The following CARD8 variants were observed in gnomAD, a reference collection of about 807,000 sequenced individuals.
The protein encoded by CARD8 is caspase recruitment domain family member 8, also known as caspase recruitment domain-containing protein 8.
CARD8 carries 38 observed loss-of-function variants against 53.2 expected under a neutral mutation model. The observed-to-expected ratio is 0.71, with a 90% confidence interval of 0.55 to 0.94. The LOEUF (loss-of-function observed/expected upper bound fraction) is 0.94, where lower values mean the gene tolerates loss of function less well. CARD8 is among the 40% of genes least tolerant of loss of function. CARD8 has a pLI of 0.00. For synonymous variants in CARD8, 245 were observed against 244.9 expected, an observed-to-expected ratio of 1.00 and a Z score of 0.00; for missense variants, 561 against 655.5, an observed-to-expected ratio of 0.86 and a Z score of 1.57.
At chr19:48,243,027 G>A (rs920781189) in intron 3 of CARD8, among the ~76,000 whole-genome samples, 5 of 152,022 alleles carry the variant, frequency 3.3e-5, no homozygotes, top group African/African-American at 9.7e-5. Context: ...GCATTTCAGA[G>A]ACTCTGGATA....
rs770196879 is a variant in CARD8 at position 48,218,909 on chromosome 19, C to CT, written c.1264dup (p.Arg422LysfsTer10). 3 of 1,614,020 alleles carry CT rather than the reference C, an allele frequency of 1.9e-6. No homozygotes were observed. On this transcript the variant is annotated frameshift_variant, in exon 12 of 14. Coordinates refer to ENST00000651546, the MANE Select transcript of CARD8 (RefSeq NM_001184900.3). LOFTEE classifies it high-confidence loss of function. ...AGTATCCCACACCAAAGTCCCATGT[C>CT]TTTTTTCAGTAATCTCAAGTTGAAT...
At chr19:48,207,732 CTGTTTTTT>C (rs1555790091), downstream of CARD8, among the ~76,000 whole-genome samples, 17 of 91,278 alleles carry the variant, frequency 1.9e-4, no homozygotes, top group Non-Finnish European at 3.6e-4. Flanking sequence ...TGTTGTTTTT[CTGTTTTTT>C]TTTTTTTTTT....
chr19:48,241,871 C>T (rs779405450), intron 3 of CARD8, among the ~76,000 whole-genome samples: 5 of 152,126 alleles, frequency 3.3e-5, no homozygotes, highest in Admixed American at 6.6e-5. Context: ...AATTCACCCA[C>T]ATAAGTCTAC....
intron 1 of CARD8, among the ~76,000 whole-genome samples, chr19:48,252,823 A>ACACACC (rs2047106061): frequency 6.6e-6 from 1 of 151,906 alleles, no homozygotes; most frequent in African/African-American, 2.4e-5. Context: ...ACACACACAC[A>ACACACC]CACACACACA....
chr19:48,230,829 C>T lies in CARD8; in HGVS notation c.720G>A (p.Glu240=). 1.2e-6 allele frequency: 2 copies of T among 1,614,184 alleles called. No homozygotes were observed. The highest frequency in any genetic ancestry group is 1.1e-5 in the South Asian group (1 of 91,078). Residue 240 remains glutamate (E), a synonymous_variant, in exon 9 of 14, where the codon GAG becomes GAA. Transcript: ENST00000651546. ...VGGPLFDVTA[E]PEEAVAEIHL... ...GGATTTCGGCGACAGCCTCCTCTGGCTCTGCAGTGACATCAAACAAGGGGC... is the reference window on the plus strand; with the variant it reads ...GGATTTCGGCGACAGCCTCCTCTGGTTCTGCAGTGACATCAAACAAGGGGC...
intron 10 of CARD8, among the ~76,000 whole-genome samples, chr19:48,227,920 T>A (rs1482411329): frequency 6.6e-6 from 1 of 152,090 alleles, no homozygotes; most frequent in East Asian, 1.9e-4. Flanking sequence ...TACCAGTGTG[T>A]GAGCTGTTAG....
At chr19:48,204,238 G>GT, downstream of CARD8, 1 of 455,020 alleles carries the variant, frequency 2.2e-6, no homozygotes, top group Non-Finnish European at 4.4e-6. Context: ...CGTTGCCACA[G>GT]TAACCCTGGA....
In CARD8 at chr19:48,233,448, C is replaced by T. The variant is rs1419832622; in HGVS notation, c.350+955G>A. ...GAGAAAGGCTTTACAGCGCTTTTCTCGGAAGGATTCTGTGGGCAAGCCAAG... is the reference window on the plus strand; with the variant it reads ...GAGAAAGGCTTTACAGCGCTTTTCTTGGAAGGATTCTGTGGGCAAGCCAAG... On this transcript the variant is annotated intron_variant, in intron 6 of 13. Transcript: ENST00000651546. 5 of 455,704 alleles carry T rather than the reference C, an allele frequency of 1.1e-5. No individual in the cohort carries two copies. In the East Asian group the frequency reaches 2.1e-4, roughly 19 times the overall value. 28.2% of individuals were successfully genotyped at this position (455,704 alleles called of 1,614,324 possible). A position where few individuals can be genotyped will look rare whatever the true frequency, so the allele number is the denominator to read the frequency against.
chr19:48,212,008 A>G (rs753686618), intron 13 of CARD8, 33 bp from the exon 14 acceptor site: 1 of 1,602,076 alleles, frequency 6.2e-7, no homozygotes, highest in South Asian at 1.1e-5. Context: ...GACTTTGAGA[A>G]TCGTTCACTT....
At chr19:48,250,404 T>G (rs943554049) in intron 1 of CARD8, among the ~76,000 whole-genome samples, 2 of 152,094 alleles carry the variant, frequency 1.3e-5, no homozygotes, top group Non-Finnish European at 2.9e-5. Context: ...TTATGCAAGG[T>G]TGTGGGTTTT....
At chr19:48,238,198 C>T (rs2044266998) in intron 5 of CARD8, 185 bp downstream of exon 5, 1 of 1,132,264 alleles carries the variant, frequency 8.8e-7, no homozygotes, top group Non-Finnish European at 1.2e-6. Context: ...GACCTTTTTT[C>T]CCTACTTCTT....
rs533233432 is a variant in CARD8 at position 48,238,404 on chromosome 19, T to G, written c.188A>C (p.Glu63Ala). The G allele has an allele frequency of 6.5e-6, 10 of 1,536,086 alleles. No individual in the cohort carries two copies. The highest frequency in any genetic ancestry group is 8.7e-6 in the Non-Finnish European group (10 of 1,146,872). Reference sequence around the variant, plus strand: ...TTACGTATCATTTGTCACACAGGCCTCAGCCTGAAAAAAAATTCCAGTTTT... The same window carrying G: ...TTACGTATCATTTGTCACACAGGCCGCAGCCTGAAAAAAAATTCCAGTTTT... ...YTKTGIFFQA[E>A]ACVTNDTVYR... The change falls in exon 5 of 14, where the codon GAG (glutamate) becomes GCG (alanine). Residue 63 changes from glutamate (E) to alanine (A), a missense_variant. Physicochemically the swap from Glu to Ala is moderately radical, Grantham distance 107 (BLOSUM62 -1). Transcript: ENST00000651546.
intron 13 of CARD8, among the ~76,000 whole-genome samples, chr19:48,212,715 T>C (rs1337618006): frequency 6.6e-6 from 1 of 152,172 alleles, no homozygotes; most frequent in Non-Finnish European, 1.5e-5. Context: ...AACATTATAT[T>C]TAGGAAGGGT....
At chr19:48,238,831 G>C (rs2044406748) in intron 4 of CARD8, among the ~76,000 whole-genome samples, 1 of 152,306 alleles carries the variant, frequency 6.6e-6, no homozygotes, top group Non-Finnish European at 1.5e-5. Context: ...CCCATTCTTA[G>C]AGACACCTTC....
chr19:48,229,679 C>T (rs2146137192), intron 10 of CARD8, among the ~76,000 whole-genome samples: 1 of 152,332 alleles, frequency 6.6e-6, no homozygotes, highest in South Asian at 2.1e-4. Flanking sequence ...AGCACGTCTG[C>T]TTCATCACTA....
chr19:48,232,159 G>A (rs1488536685), intron 7 of CARD8: 10 of 558,774 alleles, frequency 1.8e-5, no homozygotes, highest in Non-Finnish European at 3.2e-5. Flanking sequence ...GAAAGTCCAG[G>A]TCAGAAAAGT....
chr19:48,203,983 C>T (rs992989331), downstream of CARD8: 2 of 342,062 alleles, frequency 5.8e-6, no homozygotes, highest in East Asian at 9.0e-5. Context: ...CAGTAGAACC[C>T]GCGGGCCCAG....
chr19:48,219,230 A>G (rs371218546), intron 11 of CARD8, among the ~76,000 whole-genome samples: 5 of 152,172 alleles, frequency 3.3e-5, no homozygotes, highest in African/African-American at 1.2e-4. Context: ...TCAACACCAC[A>G]TGAGTCAGAG....
chr19:48,226,527 A>G (rs568547624), intron 10 of CARD8, among the ~76,000 whole-genome samples: 13 of 152,240 alleles, frequency 8.5e-5, no homozygotes, highest in African/African-American at 3.1e-4. Flanking sequence ...GCCCAGCCCC[A>G]TCATTTATTT....
Sources: gnomAD v4.1 joint callset for allele counts (sites outside exome capture counted in the v4.1 genomes callset) on GRCh38, gnomAD v4.1.1 for gene constraint, MANE v1.5 for transcripts, NCBI Gene and HGNC (gene_info 2026-07-23, HGNC 2026-07-21) for gene names.